The following TFR2 variants were observed in gnomAD, a reference collection of about 807,000 sequenced individuals.
TFR2 encodes transferrin receptor 2.
A neutral mutation model predicts 91.9 loss-of-function variants in TFR2; 64 were observed. The observed-to-expected ratio is 0.70, with a 90% confidence interval of 0.57 to 0.86. TFR2 has a LOEUF of 0.86. Among genes scored for constraint, TFR2 ranks in the 40% least tolerant of loss-of-function variants. The pLI is 0.00. For synonymous variants in TFR2, 454 were observed against 459.6 expected (o/e 0.99, Z 0.15); for missense variants, 950 against 1,080.5 (o/e 0.88, Z 1.69).
intron 15 of TFR2, 33 bp downstream of exon 15, chr7:100,627,542 AGC>A (rs1314131810): frequency 1.1e-5 from 17 of 1,613,804 alleles, no homozygotes; most frequent in Non-Finnish European, 1.4e-5. Flanking sequence ...CTGAAGGACT[AGC>A]GCTGTGTCTG....
chr7:100,631,634 A>AG, intron 8 of TFR2, 172 bp downstream of exon 8: 1 of 843,640 alleles, frequency 1.2e-6, no homozygotes, highest in South Asian at 2.2e-5. Context: ...AAAAAAAAAA[A>AG]AAGGTCAGGG....
At chr7:100,622,848 A>G (rs1171847796) in intron 17 of TFR2, among the ~76,000 whole-genome samples, 1 of 152,154 alleles carries the variant, frequency 6.6e-6, no homozygotes, top group African/African-American at 2.4e-5. Context: ...AATCCCATCT[A>G]GTCAGGAGGC....
In TFR2 at chr7:100,640,771, A is replaced by G; in HGVS notation, c.388T>C (p.Phe130Leu). ...EDVNYEPDLD[F>L]HQGRLYWSDL... The stretch of plus-strand genomic sequence containing the variant: ...CTCCAGTAGAGTCTGCCCTGGTGGA[A>G]ATCCAGGTCAGGCTCATAGTTGACA... The change falls in exon 3 of 18, where the codon TTC (phenylalanine) becomes CTC (leucine). Residue 130 changes from phenylalanine to leucine, a missense_variant. Phe to Leu is a conservative substitution (Grantham distance 22, BLOSUM62 0). Coordinates refer to ENST00000223051, the MANE Select transcript of TFR2 (RefSeq NM_003227.4). 7 of 1,614,138 alleles carry G rather than the reference A, an allele frequency of 4.3e-6. No individual in the cohort carries two copies. The highest frequency in any genetic ancestry group is 5.9e-6 in the Non-Finnish European group (7 of 1,180,010).
intron 3 of TFR2, among the ~76,000 whole-genome samples, chr7:100,636,476 C>T (rs1283373772): frequency 1.3e-5 from 2 of 151,518 alleles, no homozygotes; most frequent in Non-Finnish European, 3.0e-5. Flanking sequence ...GTGCCTGGCC[C>T]GTATCCTGCA....
Position 100,627,428 on chromosome 7 carries a change from G to A in TFR2, c.1831C>T (p.Leu611=). 1 of 1,584,326 alleles carries A rather than the reference G, an allele frequency of 6.3e-7. No homozygotes were observed. Among genetic ancestry groups the A allele is most frequent in the Non-Finnish European group, 8.6e-7 (1 of 1,165,468 alleles). Residue 611 remains leucine (L), a synonymous_variant, in exon 16 of 18, where the codon CTG becomes TTG. Transcript: ENST00000223051. ...EDTYENLHKV[L]QGRLPAVAQA... is the part of the protein sequence containing the mutation. ...GCCACGGCGGGCAGGCGGCCTTGCA[G>A]CACCTTATGCAGGTTCTCATAAGTG...
In TFR2 at chr7:100,628,295, GGGGCC is replaced by G; in HGVS notation, c.1397_1401del (p.Arg466ProfsTer13). On this transcript the variant is annotated frameshift_variant, in exon 11 of 18. Transcript: ENST00000223051. LOFTEE classifies it high-confidence loss of function. ...CAGCTGATGAAGAGGAGACTTCTGC[GGGGCC>G]GGAAGCCTGGGGACAGAGGGGAAGG... 6.2e-7 allele frequency: 1 copy of G among 1,613,950 alleles called. No individual in the cohort carries two copies. Among genetic ancestry groups the G allele is most frequent in the Non-Finnish European group, 8.5e-7 (1 of 1,179,932 alleles).
At chr7:100,635,604 C>A (rs1803559615) in intron 3 of TFR2, among the ~76,000 whole-genome samples, 1 of 151,818 alleles carries the variant, frequency 6.6e-6, no homozygotes, top group South Asian at 2.1e-4. Flanking sequence ...CGCCAACATG[C>A]CCAGCTAATT....
At chr7:100,627,100 G>T (rs1269736828) in intron 16 of TFR2, among the ~76,000 whole-genome samples, 164 bp downstream of exon 16, 1 of 152,126 alleles carries the variant, frequency 6.6e-6, no homozygotes, top group Non-Finnish European at 1.5e-5. Flanking sequence ...CAGGTTGGGC[G>T]ATGGCACATG....
In TFR2 at chr7:100,626,868, C is replaced by T. The variant is rs1472094539; in HGVS notation, c.2031G>A (p.Ala677=). 12 of 1,547,428 alleles carry T rather than the reference C, an allele frequency of 7.8e-6. 1 individual carries two copies. In the East Asian group the frequency reaches 2.0e-4, roughly 25 times the overall value. ...CCGCCGCCCGGATGTAGTCCCCCCG[C>T]GCCGAGTACACCCACTGCAGGGTCA... ...RGLTLQWVYS[A]RGDYIRAAEK... is the part of the protein sequence containing the mutation. Residue 677 remains alanine (A), a synonymous_variant, in exon 17 of 18, where the codon GCG becomes GCA. Transcript: ENST00000223051.
chr7:100,628,051 T>C, intron 12 of TFR2, 22 bp downstream of exon 12: 1 of 1,614,006 alleles, frequency 6.2e-7, no homozygotes, highest in East Asian at 2.2e-5. Context: ...GGGGGCCAGG[T>C]GGTGGCACTG....
intron 8 of TFR2, 144 bp downstream of exon 8, chr7:100,631,662 C>T: frequency 2.7e-6 from 3 of 1,104,156 alleles, no homozygotes; most frequent in Non-Finnish European, 2.5e-6. Flanking sequence ...GTCTCCCAGG[C>T]TGGAGTGCAG....
In TFR2 at chr7:100,640,992, C is replaced by A; in HGVS notation, c.270G>T (p.Leu90=). Residue 90 remains leucine (L), a synonymous_variant, in exon 2 of 18, where the codon CTG becomes CTT. Coordinates refer to ENST00000223051, the MANE Select transcript of TFR2 (RefSeq NM_003227.4). ...RAAPYLVLTA[L]LIFTGAFLLG... Reference sequence around the variant, plus strand: ...GGCTCTCACCCCCAGTGAAGATCAGCAGGGCCGTCAGGACCAGGTAGGGGG... The same window carrying A: ...GGCTCTCACCCCCAGTGAAGATCAGAAGGGCCGTCAGGACCAGGTAGGGGG... 1 of 1,607,536 alleles carries A rather than the reference C, an allele frequency of 6.2e-7. No individual in the cohort carries two copies. The highest frequency in any genetic ancestry group is 8.5e-7 in the Non-Finnish European group (1 of 1,175,824).
intron 6 of TFR2, chr7:100,632,757 TTTA>T: frequency 5.1e-6 from 2 of 393,760 alleles, no homozygotes; most frequent in Non-Finnish European, 9.1e-6. Flanking sequence ...TTTTTTTTTT[TTTA>T]GTAGAGAGGG....
rs41296645 is a variant in TFR2 at position 100,620,874 on chromosome 7, T to C, written c.2389A>G (p.Ile797Val). Reference protein sequence around the residue: ...ANALSGDVWNIDNNF With the variant: ...ANALSGDVWNVDNNF Reference sequence around the variant, plus strand: ...CCAGGGCCTCAGAAGTTGTTATCAATGTTCCAGACATCCCCGCTAAGCGCA... The same window carrying C: ...CCAGGGCCTCAGAAGTTGTTATCAACGTTCCAGACATCCCCGCTAAGCGCA... The change falls in exon 18 of 18, where the codon ATT becomes GTT. Residue 797 changes from isoleucine to valine, a missense_variant. By Grantham distance (29) the Ile-to-Val change is conservative. Transcript: ENST00000223051. The C allele has an allele frequency of 2.4e-4, 393 of 1,614,080 alleles. 1 individual carries two copies. In the African/African-American group the frequency reaches 4.5e-3, roughly 18 times the overall value.
chr7:100,629,064 C>T (rs1803353009), intron 10 of TFR2, among the ~76,000 whole-genome samples, 189 bp downstream of exon 10: 2 of 152,172 alleles, frequency 1.3e-5, no homozygotes, highest in Admixed American at 1.3e-4. Flanking sequence ...CACCCGGCCT[C>T]ACTTTCATTT....
chr7:100,640,294 G>A (rs1803670336), intron 3 of TFR2: 2 of 213,514 alleles, frequency 9.4e-6, no homozygotes, highest in Non-Finnish European at 1.9e-5. Flanking sequence ...TATTGCCCAG[G>A]CTTGCTTGCT....
At position 100,628,236 on chromosome 7, in the gene TFR2, C is replaced by T. The variant is rs766412097; in HGVS notation, c.1461G>A (p.Thr487=). 2.5e-6 allele frequency: 4 copies of T among 1,613,906 alleles called. No homozygotes were observed. The highest frequency in any genetic ancestry group is 3.3e-5 in the Admixed American group (2 of 59,984). The change falls in exon 11 of 18, where the codon ACG becomes ACA. Residue 487 remains threonine, a synonymous_variant. Coordinates refer to ENST00000223051, the MANE Select transcript of TFR2 (RefSeq NM_003227.4). Reference sequence around the variant, plus strand: ...GACCCCGTATCACCTCTAGCCACTCCGTGGAGCCCACGCTTCCAAAGTCAC... The same window carrying T: ...GACCCCGTATCACCTCTAGCCACTCTGTGGAGCCCACGCTTCCAAAGTCAC... ...DGGDFGSVGS[T]EWLEGYLSVL...
At chr7:100,639,282 G>T (rs950852298) in intron 3 of TFR2, among the ~76,000 whole-genome samples, 1 of 152,054 alleles carries the variant, frequency 6.6e-6, no homozygotes, top group Non-Finnish European at 1.5e-5. Context: ...CATGAGAATC[G>T]CGTGAACCTG....
At chr7:100,636,217 A>C (rs1803569432) in intron 3 of TFR2, among the ~76,000 whole-genome samples, 1 of 128,164 alleles carries the variant, frequency 7.8e-6, no homozygotes, top group African/African-American at 3.1e-5. Context: ...GCTCTGTTTC[A>C]CAGGCTGGAG....
Sources: gnomAD v4.1 joint callset for allele counts (sites outside exome capture counted in the v4.1 genomes callset) on GRCh38, gnomAD v4.1.1 for gene constraint, MANE v1.5 for transcripts, NCBI Gene and HGNC (gene_info 2026-07-23, HGNC 2026-07-21) for gene names.